Variants in CEP162 observed in about 807,000 individuals in gnomAD.
CEP162 encodes the protein centrosomal protein of 162 kDa.
In CEP162, 141 loss-of-function variants were observed where a neutral mutation model predicts 169.2. The ratio of observed to expected loss-of-function variants is 0.83; its 90% CI spans 0.73 to 0.96. CEP162 has a LOEUF of 0.96. Ranked by LOEUF, CEP162 falls within the 40% of genes least tolerant of loss-of-function variation. The probability of loss-of-function intolerance (pLI) is 0.00; values close to 1 mark genes in which losing one functional copy is unlikely to be tolerated. For synonymous variants in CEP162, 540 were observed against 526.4 expected, an observed-to-expected ratio of 1.03 and a Z score of -0.35; for missense variants, 1,600 against 1,587.2, an observed-to-expected ratio of 1.01 and a Z score of -0.14.
chr6:84,186,122 A>C (rs1205298200), intron 12 of CEP162, among the ~76,000 whole-genome samples: 1 of 152,132 alleles, frequency 6.6e-6, no homozygotes, highest in Non-Finnish European at 1.5e-5. Context: ...TGGCTTCTAA[A>C]AGCAAGCTAA....
At position 84,155,390 on chromosome 6, in the gene CEP162, T is replaced by C. The variant is rs891257623; in HGVS notation, c.2902A>G (p.Arg968Gly). The change falls in exon 22 of 27, where the codon AGG becomes GGG. Residue 968 changes from arginine (R) to glycine (G), a missense_variant. Coordinates refer to ENST00000403245, the MANE Select transcript of CEP162 (RefSeq NM_014895.4). ...AGATCAGCTTCTAGCTTTTTTATCC[T>C]TTTCTCCATAAATTCCACTGTATTT... ...DKNTVEFMEK[R>G]IKKLEADLEG... 6.2e-7 allele frequency: 1 copy of C among 1,613,582 alleles called. No individual in the cohort carries two copies. Among genetic ancestry groups the C allele is most frequent in the African/African-American group, 1.3e-5 (1 of 75,016 alleles).
At position 84,200,796 on chromosome 6, in the gene CEP162, T is replaced by C; in HGVS notation, c.828A>G (p.Thr276=). 6.3e-7 allele frequency: 1 copy of C among 1,576,986 alleles called. No individual in the cohort carries two copies. Among genetic ancestry groups the C allele is most frequent in the South Asian group, 1.1e-5 (1 of 90,246 alleles). Residue 276 remains threonine, a synonymous_variant, in exon 9 of 27, where the codon ACA becomes ACG. Coordinates refer to ENST00000403245, the MANE Select transcript of CEP162 (RefSeq NM_014895.4). ...GTTTCTAAACATTTTTACCTGTTCC[T>C]GTCATTTCATTCTCAGTCATTTCTG... The part of the protein sequence containing the change: ...CLPEMTENEM[T]GTGVSYGQSS...
At chr6:84,128,475 A>G (rs1300133350) in intron 25 of CEP162, among the ~76,000 whole-genome samples, 1 of 152,164 alleles carries the variant, frequency 6.6e-6, no homozygotes, top group Non-Finnish European at 1.5e-5. Context: ...GTAATGATTA[A>G]TAAGAGCCTG....
At chr6:84,144,740 G>T (rs1230409606) in intron 25 of CEP162, among the ~76,000 whole-genome samples, 3 of 152,168 alleles carry the variant, frequency 2.0e-5, no homozygotes, top group Middle Eastern at 6.8e-3. Flanking sequence ...AACTGATGAA[G>T]AATTCTTTTT....
intron 25 of CEP162, among the ~76,000 whole-genome samples, chr6:84,143,058 AT>A (rs1337808387): frequency 1.3e-5 from 2 of 152,092 alleles, no homozygotes; most frequent in Non-Finnish European, 2.9e-5. Flanking sequence ...GTAAAAAAAA[AT>A]TAGTTACCCA....
In CEP162 at chr6:84,215,900, G is replaced by T; in HGVS notation, c.195C>A (p.Ser65Arg). ...KDDGLLGTNV[S>R]YLKTKKTSQP... ...GAGAAGTCTTCTTTGTTTTCAAATAGCTCACATTTGTTCCAAGAAGTCCTA... is the reference window on the plus strand; with the variant it reads ...GAGAAGTCTTCTTTGTTTTCAAATATCTCACATTTGTTCCAAGAAGTCCTA... The change falls in exon 4 of 27, where the codon AGC (serine) becomes AGA (arginine). Residue 65 changes from serine to arginine, a missense_variant. Coordinates refer to ENST00000403245, the MANE Select transcript of CEP162 (RefSeq NM_014895.4). 6.4e-7 allele frequency: 1 copy of T among 1,570,096 alleles called. No individual in the cohort carries two copies. The highest frequency in any genetic ancestry group is 8.6e-7 in the Non-Finnish European group (1 of 1,156,448).
chr6:84,217,783 A>C (rs1349076257), intron 3 of CEP162: 3 of 152,210 alleles, frequency 2.0e-5, no homozygotes, highest in Non-Finnish European at 4.4e-5. Context: ...ATTAGACAAG[A>C]GAATTGGAGA....
intron 2 of CEP162, among the ~76,000 whole-genome samples, chr6:84,222,283 A>G (rs2099554017): frequency 6.6e-6 from 1 of 151,944 alleles, no homozygotes; most frequent in Non-Finnish European, 1.5e-5. Context: ...CTGGTGATCA[A>G]CTCTTAAACT....
chr6:84,168,735 T>C (rs894382715), intron 18 of CEP162, among the ~76,000 whole-genome samples: 2 of 152,204 alleles, frequency 1.3e-5, no homozygotes, highest in African/African-American at 2.4e-5. Context: ...AAACTCCTTC[T>C]ATTGATAAAT....
rs755089233 is a variant in CEP162 at position 84,155,487 on chromosome 6, C to A, written c.2805G>T (p.Leu935=). 1.2e-6 allele frequency: 2 copies of A among 1,610,430 alleles called. No homozygotes were observed. The highest frequency in any genetic ancestry group is 2.2e-5 in the South Asian group (2 of 90,894). ...ERQVKEMEGI[L]KRRYPNSLPA... is the part of the protein sequence containing the mutation. ...GTAAAGAATTGGGATATCTTCTCTT[C>A]AGAATCCCTTCCATTTCCTTAACCT... The change falls in exon 22 of 27, where the codon CTG becomes CTT. Residue 935 remains leucine (L), a synonymous_variant. Transcript: ENST00000403245.
chr6:84,155,487 C>T lies in CEP162; in HGVS notation c.2805G>A (p.Leu935=). The part of the protein sequence containing the change: ...ERQVKEMEGI[L]KRRYPNSLPA... Reference sequence around the variant, plus strand: ...GTAAAGAATTGGGATATCTTCTCTTCAGAATCCCTTCCATTTCCTTAACCT... The same window carrying T: ...GTAAAGAATTGGGATATCTTCTCTTTAGAATCCCTTCCATTTCCTTAACCT... Residue 935 remains leucine, a synonymous_variant, in exon 22 of 27, where the codon CTG becomes CTA. Transcript: ENST00000403245. 1 of 1,610,430 alleles carries T rather than the reference C, an allele frequency of 6.2e-7. No individual in the cohort carries two copies. The highest frequency in any genetic ancestry group is 8.5e-7 in the Non-Finnish European group (1 of 1,177,286).
intron 19 of CEP162, among the ~76,000 whole-genome samples, 165 bp from the exon 20 acceptor site, chr6:84,162,074 T>A (rs1420162436): frequency 6.6e-6 from 1 of 152,160 alleles, no homozygotes; most frequent in Admixed American, 6.6e-5. Context: ...TCTAGCTTAA[T>A]CTATTAGTCA....
chr6:84,134,602 G>T (rs2099513098), intron 25 of CEP162, among the ~76,000 whole-genome samples: 1 of 152,016 alleles, frequency 6.6e-6, no homozygotes, highest in Admixed American at 6.6e-5. Flanking sequence ...AGGGGAGGGA[G>T]TTCCCCGACC....
At chr6:84,213,307 C>G (rs978877612) in intron 5 of CEP162, among the ~76,000 whole-genome samples, 1 of 152,096 alleles carries the variant, frequency 6.6e-6, no homozygotes, top group Non-Finnish European at 1.5e-5. Context: ...TTTACATGTA[C>G]AAATATTATC....
intron 3 of CEP162, among the ~76,000 whole-genome samples, chr6:84,216,187 A>T (rs1352068703): frequency 6.6e-6 from 1 of 152,200 alleles, no homozygotes; most frequent in Non-Finnish European, 1.5e-5. Context: ...AAGTAATTAC[A>T]AGTACTTAAT....
chr6:84,164,707 G>A (rs1354883725), intron 18 of CEP162, among the ~76,000 whole-genome samples: 3 of 152,068 alleles, frequency 2.0e-5, no homozygotes, highest in African/African-American at 7.2e-5. Context: ...GGGGTGAGGG[G>A]CAAGGGGAGG....
At chr6:84,210,905 T>C (rs983476184) in intron 6 of CEP162, among the ~76,000 whole-genome samples, 1 of 151,984 alleles carries the variant, frequency 6.6e-6, no homozygotes, top group Admixed American at 6.6e-5. Context: ...AGAAAAGCCT[T>C]GAAAAAAATC....
At chr6:84,198,921 T>C (rs560143039) in intron 9 of CEP162, among the ~76,000 whole-genome samples, 56 of 152,356 alleles carry the variant, frequency 3.7e-4, no homozygotes, top group African/African-American at 1.3e-3. Context: ...ATCTGCATAA[T>C]ACACAAATGT....
intron 5 of CEP162, among the ~76,000 whole-genome samples, chr6:84,213,684 C>G (rs757727071): frequency 2.3e-4 from 35 of 152,174 alleles, no homozygotes; most frequent in Non-Finnish European, 1.2e-4. Flanking sequence ...ATGTTCAATG[C>G]TATTCTGTAC....
Sources: allele counts gnomAD v4.1 joint callset (sites outside exome capture counted in the v4.1 genomes callset), GRCh38; gene constraint gnomAD v4.1.1; transcripts MANE v1.5; gene names NCBI Gene and HGNC (gene_info 2026-07-23, HGNC 2026-07-21).